Variants in RNF220 observed in about 807,000 individuals in gnomAD.
RNF220 encodes the protein E3 ubiquitin-protein ligase RNF220.
RNF220 carries 7 observed loss-of-function variants against 67.1 expected under a neutral mutation model. The ratio of observed to expected loss-of-function variants is 0.10; its 90% confidence interval spans 0.06 to 0.20. The LOEUF is 0.20. Ranked by LOEUF, RNF220 falls within the 10% of genes least tolerant of loss-of-function variation. The pLI, the probability that RNF220 is intolerant of heterozygous loss-of-function variation, is 1.00. For missense variants in RNF220, 565 were observed against 740.3 expected (o/e 0.76, Z 2.75); for synonymous variants, 270 against 283.2 (o/e 0.95, Z 0.47).
chr1:44,650,931 C>T lies in RNF220; in HGVS notation c.*156C>T, dbSNP rs79026532. The T allele has an allele frequency of 3.4e-4, 234 of 680,926 alleles. No individual in the cohort carries two copies. In the East Asian group the frequency reaches 5.8e-3, roughly 17 times the overall value. 42.2% of individuals were successfully genotyped at this position (680,926 alleles called of 1,614,324 possible). On this transcript the variant is annotated 3_prime_UTR_variant, in exon 15 of 15. Coordinates refer to ENST00000361799, the MANE Select transcript of RNF220 (RefSeq NM_018150.4). The surrounding 1 kb of genome is among the most constrained non-coding windows in gnomAD (Gnocchi z 4.3). ...GCGTACACACACACACATTTACACA[C>T]GCAGGACTCTGGAGCCAGAGTAGAG...
At chr1:44,547,049 G>A (rs182918975) in intron 2 of RNF220, among the ~76,000 whole-genome samples, 129 of 152,316 alleles carry the variant, frequency 8.5e-4, no homozygotes, top group East Asian at 3.9e-4. Context: ...ACATTGAGAG[G>A]GATGCTTCCT....
intron 2 of RNF220, among the ~76,000 whole-genome samples, chr1:44,527,951 A>AAAG (rs1660524690): frequency 6.9e-6 from 1 of 144,244 alleles, no homozygotes; most frequent in Non-Finnish European, 1.5e-5. Context: ...AAAAAAAAAA[A>AAAG]GTTAAATGCA....
At chr1:44,543,390 G>A (rs1027109626) in intron 2 of RNF220, among the ~76,000 whole-genome samples, 7 of 152,150 alleles carry the variant, frequency 4.6e-5, no homozygotes, top group Non-Finnish European at 7.4e-5. Flanking sequence ...CAGCAGGCCT[G>A]GGGCCTTCTA....
chr1:44,406,690 C>A (rs1159054030), intron 1 of RNF220, among the ~76,000 whole-genome samples: 2 of 152,216 alleles, frequency 1.3e-5, no homozygotes, highest in South Asian at 2.1e-4. Flanking sequence ...CCCACCCCAC[C>A]CCCGCCCCCC....
chr1:44,509,855 C>G (rs1021254928), intron 2 of RNF220, among the ~76,000 whole-genome samples: 1 of 123,210 alleles, frequency 8.1e-6, no homozygotes, highest in Non-Finnish European at 1.6e-5. Flanking sequence ...CCACTGTACT[C>G]CAGCCTGGGT....
intron 2 of RNF220, among the ~76,000 whole-genome samples, chr1:44,457,563 A>AT (rs35009326): frequency 0.033 from 4,974 of 148,870 alleles, 269 homozygotes; most frequent in African/African-American, 0.11. Context: ...ATAACCTTGG[A>AT]TTTTTTTTTT....
chr1:44,568,481 C>T (rs545381270), intron 2 of RNF220, among the ~76,000 whole-genome samples: 1 of 152,334 alleles, frequency 6.6e-6, no homozygotes, highest in Non-Finnish European at 1.5e-5. Flanking sequence ...CAGTGCCTGG[C>T]CACATGGTAA....
chr1:44,520,265 G>C (rs917545948), intron 2 of RNF220, among the ~76,000 whole-genome samples: 2 of 151,840 alleles, frequency 1.3e-5, no homozygotes, highest in African/African-American at 4.8e-5. Context: ...GATCGAGACC[G>C]TCCTGGCTAA....
chr1:44,595,865 G>A (rs759631144), intron 2 of RNF220, among the ~76,000 whole-genome samples: 2 of 152,046 alleles, frequency 1.3e-5, no homozygotes, highest in Non-Finnish European at 1.5e-5. Flanking sequence ...CCGGGTTCAC[G>A]CCATCCTCCC....
chr1:44,575,139 G>C (rs1297104549), intron 2 of RNF220, among the ~76,000 whole-genome samples: 1 of 151,742 alleles, frequency 6.6e-6, no homozygotes, highest in Non-Finnish European at 1.5e-5. Flanking sequence ...CCATCTAACT[G>C]TATTATTGTA....
chr1:44,441,721 G>A (rs1651577224), intron 2 of RNF220, among the ~76,000 whole-genome samples: 1 of 152,198 alleles, frequency 6.6e-6, no homozygotes, highest in Non-Finnish European at 1.5e-5. Context: ...ATGTAGTGCA[G>A]AGAATACTCA....
At chr1:44,590,098 G>C (rs1666009958) in intron 2 of RNF220, among the ~76,000 whole-genome samples, 1 of 152,178 alleles carries the variant, frequency 6.6e-6, no homozygotes, top group Admixed American at 6.5e-5. Context: ...GCGGATGCTG[G>C]CCCAGGTATG....
chr1:44,614,601 A>G (rs1398267721), intron 3 of RNF220, among the ~76,000 whole-genome samples: 4 of 152,222 alleles, frequency 2.6e-5, no homozygotes, highest in Non-Finnish European at 5.9e-5. Flanking sequence ...TGCCATGTTG[A>G]GCCTCAGAGC....
intron 2 of RNF220, among the ~76,000 whole-genome samples, chr1:44,539,943 A>G (rs1016385956): frequency 1.3e-5 from 2 of 152,218 alleles, no homozygotes; most frequent in Admixed American, 1.3e-4. Context: ...TCGGCGTGGT[A>G]TGAATACTGT....
chr1:44,649,859 C>A lies in RNF220; in HGVS notation c.1555-24C>A, dbSNP rs1169013078. The A allele has an allele frequency of 6.2e-7, 1 of 1,613,896 alleles. No individual in the cohort carries two copies. The highest frequency in any genetic ancestry group is 1.7e-5 in the Admixed American group (1 of 60,006). ...AGGGTGGGCCTACCTCAGAGTGACC[C>A]CTTCTCTGCCCCCTCCTCCCTAGGA... On this transcript the variant is annotated intron_variant, in intron 13 of 14. Coordinates refer to ENST00000361799, the MANE Select transcript of RNF220 (RefSeq NM_018150.4). This position sits in a 1 kb window ranked among gnomAD's most constrained non-coding sequence, Gnocchi z 5.9.
chr1:44,505,200 A>G (rs922218051), intron 2 of RNF220, among the ~76,000 whole-genome samples: 1 of 152,228 alleles, frequency 6.6e-6, no homozygotes, highest in African/African-American at 2.4e-5. Flanking sequence ...CTGACTTCAG[A>G]GCACGTGTTT....
intron 2 of RNF220, among the ~76,000 whole-genome samples, chr1:44,533,056 G>A (rs927976717): frequency 1.3e-5 from 2 of 152,232 alleles, no homozygotes; most frequent in Non-Finnish European, 2.9e-5. Flanking sequence ...CAATAAAATG[G>A]TGGACTTCCA....
chr1:44,547,441 C>G (rs994514551), intron 2 of RNF220, among the ~76,000 whole-genome samples: 6 of 152,158 alleles, frequency 3.9e-5, no homozygotes, highest in African/African-American at 1.4e-4. Context: ...TCGCCTAACC[C>G]TGCGGTCACC....
chr1:44,469,371 A>G (rs1338205517), intron 2 of RNF220, among the ~76,000 whole-genome samples: 1 of 152,186 alleles, frequency 6.6e-6, no homozygotes, highest in Non-Finnish European at 1.5e-5. Flanking sequence ...GTGTATAGAT[A>G]AGGCCAGGCA....
Sources: allele counts gnomAD v4.1 joint callset (sites outside exome capture counted in the v4.1 genomes callset), GRCh38; gene constraint gnomAD v4.1.1; non-coding constraint Gnocchi (gnomAD v3.1); transcripts MANE v1.5; gene names NCBI Gene and HGNC (gene_info 2026-07-23, HGNC 2026-07-21).